The following ZFAT variants were observed in gnomAD, a reference collection of about 807,000 sequenced individuals.
ZFAT encodes the protein zinc finger protein ZFAT.
A neutral mutation model predicts 117.7 loss-of-function variants in ZFAT; 64 were observed. The observed-to-expected ratio is 0.54, with a 90% confidence interval of 0.44 to 0.67. The LOEUF is 0.67. ZFAT is among the 30% of genes least tolerant of loss of function. The probability of loss-of-function intolerance (pLI) is 0.00; values close to 1 mark genes in which losing one functional copy is unlikely to be tolerated. For synonymous variants in ZFAT, 679 were observed against 615.0 expected (o/e 1.10, Z -1.54); for missense variants, 1,433 against 1,584.5 (o/e 0.90, Z 1.62).
In ZFAT at chr8:134,669,509, A is replaced by G. The variant is rs138425948; in HGVS notation, c.20-11772T>C. 8.7e-3 allele frequency among the ~76,000 whole-genome samples: 1,325 copies of G among 152,348 alleles called. 28 individuals are homozygous for G. Among genetic ancestry groups the G allele is most frequent in the African/African-American group, 0.03 (1,250 of 41,576 alleles). On this transcript the variant is annotated intron_variant, in intron 1 of 15. Transcript: ENST00000377838. Reference sequence around the variant, plus strand: ...TTCAAATCCTGCCAAACTAAGCTTCATAAGTGAAGGAGAAATAAAATCCTT... The same window carrying G: ...TTCAAATCCTGCCAAACTAAGCTTCGTAAGTGAAGGAGAAATAAAATCCTT...
chr8:134,601,593 C>T lies in ZFAT; in HGVS notation c.2126G>A (p.Arg709Gln), dbSNP rs201041569. 1.1e-4 allele frequency: 172 copies of T among 1,614,092 alleles called. No individual in the cohort carries two copies. Among genetic ancestry groups the T allele is most frequent in the Non-Finnish European group, 1.4e-4 (162 of 1,180,060 alleles). ...CTTCATGAAAGCGGTGATGCCTGAC[C>T]GGTGCTCAGGGGCAGCTTTGCAAGA... is the stretch of plus-strand genomic sequence containing the variant. ...PDSCKAAPEH[R>Q]SGITAFMKVL... The change falls in exon 6 of 16, where the codon CGG becomes CAG. Residue 709 changes from arginine to glutamine, a missense_variant. Arg to Gln is a conservative substitution (Grantham distance 43, BLOSUM62 1). Coordinates refer to ENST00000377838, the MANE Select transcript of ZFAT (RefSeq NM_020863.4).
chr8:134,791,694 A>G, the ZFAT span, among the ~76,000 whole-genome samples: 7 of 152,248 alleles, frequency 4.6e-5, no homozygotes, highest in African/African-American at 1.7e-4. Context: ...TTAAATTGCC[A>G]TAAAAGGTGA....
chr8:134,584,184 C>T (rs1393200414), intron 9 of ZFAT, among the ~76,000 whole-genome samples, 179 bp from the exon 10 acceptor site: 1 of 152,170 alleles, frequency 6.6e-6, no homozygotes, highest in African/African-American at 2.4e-5. Flanking sequence ...ACTTTCCACG[C>T]CAGGTTCTTC....
the ZFAT span, among the ~76,000 whole-genome samples, chr8:134,791,084 T>C: frequency 6.6e-5 from 10 of 152,330 alleles, no homozygotes; most frequent in Admixed American, 5.2e-4. Flanking sequence ...CGAGAACACA[T>C]ACTTCTGTAC....
intron 14 of ZFAT, chr8:134,510,225 G>A (rs983174756): frequency 2.3e-6 from 1 of 442,078 alleles, no homozygotes; most frequent in Non-Finnish European, 4.6e-6. Flanking sequence ...TCAACGAGTA[G>A]GCTTTGGAAC....
the ZFAT span, among the ~76,000 whole-genome samples, chr8:134,818,105 A>C: frequency 6.6e-6 from 1 of 152,242 alleles, no homozygotes; most frequent in African/African-American, 2.4e-5. Flanking sequence ...TTTTAGATAC[A>C]GTACCAAAAG....
At chr8:134,728,231 C>G in the ZFAT span, among the ~76,000 whole-genome samples, 1 of 150,852 alleles carries the variant, frequency 6.6e-6, no homozygotes, top group Non-Finnish European at 1.5e-5. Flanking sequence ...TGGCAGCCTT[C>G]CATGATCACA....
At chr8:134,795,725 A>G in the ZFAT span, 22 of 152,334 alleles carry the variant, frequency 1.4e-4, no homozygotes, top group African/African-American at 3.6e-4. Flanking sequence ...CCTCTGTGAT[A>G]TAAGTTTTAA....
chr8:134,744,675 C>A, the ZFAT span, among the ~76,000 whole-genome samples: 11 of 150,832 alleles, frequency 7.3e-5, no homozygotes, highest in Non-Finnish European at 1.6e-4. Flanking sequence ...TCAAAGTCAG[C>A]AGGAAAATCT....
At chr8:134,606,012 C>A (rs1276464617) in intron 5 of ZFAT, among the ~76,000 whole-genome samples, 2 of 152,054 alleles carry the variant, frequency 1.3e-5, no homozygotes, top group African/African-American at 2.4e-5. Flanking sequence ...TCCCTGAGGA[C>A]AAGACATTTG....
chr8:134,693,455 G>A (rs1474391337), intron 1 of ZFAT, among the ~76,000 whole-genome samples: 2 of 152,156 alleles, frequency 1.3e-5, no homozygotes, highest in African/African-American at 4.8e-5. Flanking sequence ...AAAAGAGAAC[G>A]TTCTTCCTTA....
chr8:134,501,592 C>A (rs1200035021), intron 15 of ZFAT, among the ~76,000 whole-genome samples: 4 of 151,906 alleles, frequency 2.6e-5, no homozygotes, highest in Admixed American at 2.6e-4. Context: ...CATTACGGTG[C>A]GAGAGAATAC....
At chr8:134,758,859 G>T in the ZFAT span, among the ~76,000 whole-genome samples, 1 of 152,094 alleles carries the variant, frequency 6.6e-6, no homozygotes, top group Non-Finnish European at 1.5e-5. Context: ...ATAAAAGCAT[G>T]ATGTGGTGGT....
the ZFAT span, among the ~76,000 whole-genome samples, chr8:134,761,332 G>A: frequency 2.6e-5 from 4 of 152,056 alleles, no homozygotes; most frequent in Non-Finnish European, 1.5e-5. Flanking sequence ...TGCATCTAGA[G>A]TTATGACAGT....
chr8:134,571,277 A>G (rs999384694), intron 10 of ZFAT, among the ~76,000 whole-genome samples: 1 of 152,244 alleles, frequency 6.6e-6, no homozygotes, highest in Non-Finnish European at 1.5e-5. Flanking sequence ...CCAGGCTGTC[A>G]GGGAAGGCCT....
At chr8:134,720,075 T>C in the ZFAT span, among the ~76,000 whole-genome samples, 2 of 152,230 alleles carry the variant, frequency 1.3e-5, no homozygotes, top group Non-Finnish European at 2.9e-5. Flanking sequence ...CCAGCATCCA[T>C]GCTGTAAGGA....
chr8:134,549,346 C>A (rs537521651), intron 11 of ZFAT, among the ~76,000 whole-genome samples: 10 of 150,800 alleles, frequency 6.6e-5, no homozygotes, highest in Middle Eastern at 7.0e-3. Context: ...GAGGCTGAGG[C>A]AGGAGAATGG....
intron 7 of ZFAT, among the ~76,000 whole-genome samples, chr8:134,596,892 G>A (rs2119876): frequency 0.26 from 39,903 of 151,822 alleles, 5,737 homozygotes; most frequent in East Asian, 0.53. Context: ...GGAGGGGAAC[G>A]AGGGATGGCA....
At chr8:134,786,102 G>A in the ZFAT span, among the ~76,000 whole-genome samples, 1 of 152,124 alleles carries the variant, frequency 6.6e-6, no homozygotes, top group Non-Finnish European at 1.5e-5. Flanking sequence ...CTTGCAGATT[G>A]CTCTTATATC....
Sources: gnomAD v4.1 joint callset for allele counts (sites outside exome capture counted in the v4.1 genomes callset) on GRCh38, gnomAD v4.1.1 for gene constraint, MANE v1.5 for transcripts, NCBI Gene and HGNC (gene_info 2026-07-23, HGNC 2026-07-21) for gene names.